The following MAP4K4 variants were observed in gnomAD, a reference collection of about 807,000 sequenced individuals.
MAP4K4 encodes the protein HPK/GCK-like kinase HGK.
Under a neutral mutation model 189.6 loss-of-function variants are expected in MAP4K4, and 38 were observed. The ratio of observed to expected loss-of-function variants is 0.20; its 90% CI spans 0.15 to 0.26. The LOEUF (loss-of-function observed/expected upper bound fraction) is 0.26. Ranked by LOEUF, MAP4K4 falls within the 10% of genes least tolerant of loss-of-function variation. The probability of loss-of-function intolerance (pLI) is 1.00; values close to 1 mark genes in which losing one functional copy is unlikely to be tolerated. For missense variants in MAP4K4, 1,054 were observed against 1,726.9 expected (o/e 0.61, Z 6.91); for synonymous variants, 610 against 624.3 (o/e 0.98, Z 0.34).
intron 2 of MAP4K4, among the ~76,000 whole-genome samples, chr2:101,757,788 G>C (rs2073663448): frequency 6.6e-6 from 1 of 152,234 alleles, no homozygotes; most frequent in African/African-American, 2.4e-5. Context: ...GGGAGGCCGA[G>C]GCGAGTGGAT....
intron 2 of MAP4K4, among the ~76,000 whole-genome samples, chr2:101,778,241 C>G (rs147391117): frequency 1.3e-5 from 2 of 152,312 alleles, no homozygotes; most frequent in African/African-American, 4.8e-5. Flanking sequence ...GTTAAATATG[C>G]TGAAACCACC....
chr2:101,859,111 A>G, intron 14 of MAP4K4, 29 bp downstream of exon 14: 1 of 1,586,976 alleles, frequency 6.3e-7, no homozygotes, highest in Non-Finnish European at 8.6e-7. Flanking sequence ...TTCATTCTGT[A>G]GCATCAGGGC....
At chr2:101,869,170 T>C (rs1470614180) in intron 21 of MAP4K4, among the ~76,000 whole-genome samples, 1 of 152,028 alleles carries the variant, frequency 6.6e-6, no homozygotes, top group African/African-American at 2.4e-5. Context: ...TTTTTAATAA[T>C]AAAAGTTGAA....
At chr2:101,701,575 C>T (rs2038790961) in intron 2 of MAP4K4, among the ~76,000 whole-genome samples, 1 of 152,134 alleles carries the variant, frequency 6.6e-6, no homozygotes, top group South Asian at 2.1e-4. Flanking sequence ...TTTTCTGTGT[C>T]TCTGACAACA....
chr2:101,723,228 G>T (rs1229547990), intron 2 of MAP4K4, among the ~76,000 whole-genome samples: 2 of 152,154 alleles, frequency 1.3e-5, no homozygotes, highest in Non-Finnish European at 2.9e-5. Flanking sequence ...TCAAGATGAG[G>T]TTTTGGATGG....
intron 6 of MAP4K4, 88 bp from the exon 7 acceptor site, chr2:101,831,633 G>A: frequency 7.2e-7 from 1 of 1,385,530 alleles, no homozygotes; most frequent in Non-Finnish European, 1.0e-6. Context: ...TTACTATGAA[G>A]ACATTTCCTC....
intron 9 of MAP4K4, 75 bp downstream of exon 9, chr2:101,836,053 G>A: frequency 8.7e-7 from 1 of 1,150,834 alleles, no homozygotes; most frequent in Non-Finnish European, 1.3e-6. Context: ...ACTTTCCTCT[G>A]AGATAAAATT....
intron 2 of MAP4K4, 69 bp from the exon 3 acceptor site, chr2:101,790,651 G>T (rs2092710926): frequency 5.5e-6 from 6 of 1,085,130 alleles, no homozygotes; most frequent in African/African-American, 1.6e-5. Flanking sequence ...GGAAACTTCA[G>T]CCATTTTGTT....
chr2:101,727,015 C>T (rs2055798743), intron 2 of MAP4K4, among the ~76,000 whole-genome samples: 2 of 152,048 alleles, frequency 1.3e-5, no homozygotes, highest in African/African-American at 4.8e-5. Flanking sequence ...TCCTCTTGAC[C>T]ACCAGTCCCA....
At chr2:101,775,782 G>A (rs1343925285) in intron 2 of MAP4K4, among the ~76,000 whole-genome samples, 4 of 152,318 alleles carry the variant, frequency 2.6e-5, no homozygotes, top group East Asian at 1.9e-4. Flanking sequence ...TCAGTGCCCC[G>A]TTCACGCTCA....
exon 1 of MAP4K4, chr2:101,697,957 G>A (rs899747771): frequency 5.7e-5 from 23 of 404,798 alleles, no homozygotes; most frequent in Non-Finnish European, 7.5e-5. Context: ...GGCCCCGCGA[G>A]GAGAGTACCG....
chr2:101,734,831 G>A (rs2059756879), intron 2 of MAP4K4, among the ~76,000 whole-genome samples: 1 of 152,186 alleles, frequency 6.6e-6, no homozygotes, highest in Admixed American at 6.5e-5. Flanking sequence ...TTTGGCTGGA[G>A]CCTTAGCCTG....
chr2:101,869,726 T>G, exon 22 of MAP4K4: 1 of 1,597,700 alleles, frequency 6.3e-7, no homozygotes, highest in Non-Finnish European at 8.5e-7. Context: ...GGACGACGGA[T>G]GAGGAGGACG....
Position 101,750,469 on chromosome 2 carries a change from A to T in MAP4K4, c.124-40251A>T, listed in dbSNP as rs574664696. On this transcript the variant is annotated intron_variant, in intron 2 of 32. Transcript: ENST00000324219. ...GGTGGGAATAGAACAATGAGATCAC[A>T]TGGACACAGGAAGGGGACTATCACA... is the stretch of plus-strand genomic sequence containing the variant. Among the ~76,000 whole-genome samples, 614 of 141,600 alleles carry T rather than the reference A, an allele frequency of 4.3e-3. 4 individuals are homozygous for T. Among genetic ancestry groups the T allele is most frequent in the African/African-American group, 0.015 (578 of 37,906 alleles). The allele number at this position is 141,600 out of a possible 152,430, so 92.9% of individuals were successfully genotyped here. A position where few individuals can be genotyped will look rare whatever the true frequency, so the allele number is the denominator to read the frequency against.
Position 101,780,831 on chromosome 2 carries a change from G to C in MAP4K4, c.124-9889G>C, listed in dbSNP as rs73943770. Among the ~76,000 whole-genome samples, 28 of 152,262 alleles carry C rather than the reference G, an allele frequency of 1.8e-4. No homozygotes were observed. In the East Asian group the frequency reaches 5.2e-3, roughly 28 times the overall value. On this transcript the variant is annotated intron_variant, in intron 2 of 32. Coordinates refer to ENST00000324219, the Ensembl canonical transcript of MAP4K4. ...TGACAGAGTCATATGATTGAATTTC[G>C]TGGTTTGTATTACCATATTGACTAA...
At chr2:101,875,526 C>T (rs181270656) in intron 26 of MAP4K4, among the ~76,000 whole-genome samples, 8 of 152,130 alleles carry the variant, frequency 5.3e-5, no homozygotes, top group African/African-American at 1.9e-4. Context: ...CTCTCAATGC[C>T]GTCACAATTA....
At chr2:101,699,609 G>A (rs1488764406) in intron 2 of MAP4K4, among the ~76,000 whole-genome samples, 1 of 152,148 alleles carries the variant, frequency 6.6e-6, no homozygotes, top group African/African-American at 2.4e-5. Context: ...GAGTTGGGGG[G>A]GTTGGAAGCC....
At chr2:101,807,445 T>G (rs1397399653) in intron 3 of MAP4K4, among the ~76,000 whole-genome samples, 1 of 152,134 alleles carries the variant, frequency 6.6e-6, no homozygotes, top group Admixed American at 6.6e-5. Flanking sequence ...GAAGGTGCTT[T>G]ATAATGACAT....
intron 2 of MAP4K4, among the ~76,000 whole-genome samples, chr2:101,744,970 T>C (rs2064586298): frequency 6.6e-6 from 1 of 152,170 alleles, no homozygotes; most frequent in South Asian, 2.1e-4. Context: ...GTCATCTATA[T>C]GGGGTGGAAA....
Sources: allele counts gnomAD v4.1 joint callset (sites outside exome capture counted in the v4.1 genomes callset), GRCh38; gene constraint gnomAD v4.1.1; transcripts MANE v1.5; gene names NCBI Gene and HGNC (gene_info 2026-07-23, HGNC 2026-07-21).